The following DST variants were observed in gnomAD, a reference collection of about 807,000 sequenced individuals.
DST encodes bullous pemphigoid antigen.
DST carries 253 observed loss-of-function variants against 875.2 expected under a neutral mutation model. The ratio of observed to expected loss-of-function variants is 0.29; its 90% CI spans 0.26 to 0.32. DST has a LOEUF of 0.32. Ranked by LOEUF, DST falls within the 10% of genes least tolerant of loss-of-function variation. The pLI is 1.00. For missense variants in DST, 8,287 were observed against 9,111.6 expected (o/e 0.91, Z 3.68); for synonymous variants, 3,124 against 3,197.1 (o/e 0.98, Z 0.77).
intron 61 of DST, among the ~76,000 whole-genome samples, chr6:56,545,178 A>T (rs1015644182): frequency 4.6e-5 from 7 of 151,722 alleles, no homozygotes; most frequent in African/African-American, 1.2e-4. Context: ...AATTTTAAAA[A>T]TTTTTTGTGG....
At chr6:56,512,455 A>G (rs1383031681) in intron 72 of DST, among the ~76,000 whole-genome samples, 1 of 152,216 alleles carries the variant, frequency 6.6e-6, no homozygotes, top group Non-Finnish European at 1.5e-5. Context: ...GCCTCTGTGC[A>G]GCATTGAGGG....
chr6:56,609,545 A>G (rs961797594), intron 39 of DST, among the ~76,000 whole-genome samples: 2 of 152,234 alleles, frequency 1.3e-5, no homozygotes, highest in Non-Finnish European at 2.9e-5. Context: ...ACAGCACAGG[A>G]TGTGATAAAA....
At chr6:56,749,634 G>A (rs1244666702) in intron 4 of DST, among the ~76,000 whole-genome samples, 2 of 152,164 alleles carry the variant, frequency 1.3e-5, no homozygotes, top group African/African-American at 2.4e-5. Flanking sequence ...TGACCAGGGA[G>A]TTTAAGAGTA....
At chr6:56,521,646 C>T (rs1264813484) in intron 69 of DST, among the ~76,000 whole-genome samples, 1 of 147,714 alleles carries the variant, frequency 6.8e-6, no homozygotes, top group Non-Finnish European at 1.5e-5. Flanking sequence ...AGATATTTCC[C>T]GCCTGTCATC....
At position 56,607,172 on chromosome 6, in the gene DST, A is replaced by T; in HGVS notation, c.7456T>A (p.Phe2486Ile). ...GCAATTCCCAGAAACTGGTCTTGAAATTTTTCTCCTATTCTTTGACCTGAC... is the reference window on the plus strand; with the variant it reads ...GCAATTCCCAGAAACTGGTCTTGAATTTTTTCTCCTATTCTTTGACCTGAC... ...MLSGQRIGEK[F>I]QDQFLGIAAI... is the part of the protein sequence containing the mutation. Residue 2486 changes from phenylalanine to isoleucine, a missense_variant, in exon 40 of 104, where the codon TTT becomes ATT. Transcript: ENST00000680361. 1 of 1,613,310 alleles carries T rather than the reference A, an allele frequency of 6.2e-7. No homozygotes were observed. Among genetic ancestry groups the T allele is most frequent in the Non-Finnish European group, 8.5e-7 (1 of 1,179,586 alleles).
Position 56,463,556 on chromosome 6 carries a change from G to T in DST, c.22959+9C>A. On this transcript the variant is annotated intron_variant, in intron 101 of 103. Transcript: ENST00000680361. Reference sequence around the variant, plus strand: ...AAGGTGGAGGAAAAGTCTTCATCCTGAGTCTTACCTTGGGTGTGGTGGTGG... The same window carrying T: ...AAGGTGGAGGAAAAGTCTTCATCCTTAGTCTTACCTTGGGTGTGGTGGTGG... 6.4e-7 allele frequency: 1 copy of T among 1,557,904 alleles called. No homozygotes were observed. The highest frequency in any genetic ancestry group is 8.7e-7 in the Non-Finnish European group (1 of 1,153,870).
rs78600049 is a variant in DST at position 56,631,291 on chromosome 6, G to C, written c.4062C>G (p.Val1354=). Residue 1354 remains valine (V), a synonymous_variant, in exon 30 of 104, where the codon GTC becomes GTG. Coordinates refer to ENST00000680361, the MANE Select transcript of DST (RefSeq NM_001374736.1). The part of the protein sequence containing the change: ...FFSQAAASSS[V]PTLRSELNVV... The stretch of plus-strand genomic sequence containing the variant: ...CATTAAGCTCTGATCGTAGGGTAGG[G>C]ACTGATGAAGAGGCTGCTGCTTGAC... 6.2e-7 allele frequency: 1 copy of C among 1,613,890 alleles called. No individual in the cohort carries two copies. Among genetic ancestry groups the C allele is most frequent in the Non-Finnish European group, 8.5e-7 (1 of 1,179,898 alleles).
intron 102 of DST, 61 bp from the exon 103 acceptor site, chr6:56,460,315 G>A: frequency 6.3e-7 from 1 of 1,585,250 alleles, no homozygotes; most frequent in Non-Finnish European, 8.6e-7. Context: ...ATATTCCACT[G>A]ACACCACTTC....
Position 56,472,042 on chromosome 6 carries a change from G to T in DST, c.22158+17C>A, listed in dbSNP as rs776758128. 1.9e-6 allele frequency: 3 copies of T among 1,612,772 alleles called. No individual in the cohort carries two copies. Among genetic ancestry groups the T allele is most frequent in the South Asian group, 1.1e-5 (1 of 91,050 alleles). ...GGGCAAATGACAATGTGGTGTTGAG[G>T]GTATGAATTTCCAAACCTCCTCTAG... On this transcript the variant is annotated intron_variant, in intron 94 of 103. Coordinates refer to ENST00000680361, the MANE Select transcript of DST (RefSeq NM_001374736.1).
chr6:56,612,391 A>C (rs1162649387), intron 37 of DST, among the ~76,000 whole-genome samples: 1 of 152,172 alleles, frequency 6.6e-6, no homozygotes, highest in Non-Finnish European at 1.5e-5. Context: ...TAACTATTGA[A>C]AAAAAGAACA....
intron 59 of DST, 118 bp downstream of exon 59, chr6:56,557,201 C>G (rs1298753843): frequency 1.6e-5 from 14 of 892,686 alleles, no homozygotes; most frequent in Non-Finnish European, 1.9e-5. Flanking sequence ...TACATATATA[C>G]TTCAAAGCAG....
intron 49 of DST, among the ~76,000 whole-genome samples, chr6:56,590,503 T>C (rs2098251974): frequency 6.6e-6 from 1 of 152,186 alleles, no homozygotes; most frequent in Non-Finnish European, 1.5e-5. Context: ...ATGACCTTAA[T>C]GTCACAGTAT....
At chr6:56,603,126 A>T in intron 42 of DST, 79 bp downstream of exon 42, 1 of 1,544,342 alleles carries the variant, frequency 6.5e-7, no homozygotes, top group South Asian at 1.2e-5. Context: ...CTCTAAAACT[A>T]AAATACTCCA....
chr6:56,634,018 G>T, intron 27 of DST, 114 bp downstream of exon 27: 3 of 1,207,960 alleles, frequency 2.5e-6, no homozygotes, highest in Non-Finnish European at 3.6e-6. Context: ...ATGAATATTA[G>T]CATGGATTTG....
At chr6:56,726,163 T>C (rs983135079) in intron 5 of DST, among the ~76,000 whole-genome samples, 1 of 152,120 alleles carries the variant, frequency 6.6e-6, no homozygotes, top group Non-Finnish European at 1.5e-5. Flanking sequence ...TTATATTAGG[T>C]TCAAATGACT....
chr6:56,480,216 T>C (rs2095355231), intron 90 of DST, among the ~76,000 whole-genome samples: 3 of 152,226 alleles, frequency 2.0e-5, no homozygotes, highest in African/African-American at 7.2e-5. Flanking sequence ...ACTTTTTAAA[T>C]ATCATAACTT....
chr6:56,584,971 T>C (rs1295620872), intron 49 of DST, among the ~76,000 whole-genome samples: 52 of 150,168 alleles, frequency 3.5e-4, no homozygotes, highest in African/African-American at 1.1e-3. Context: ...ATAAGCTTTT[T>C]GATGTGCTGC....
intron 63 of DST, among the ~76,000 whole-genome samples, chr6:56,532,901 A>G (rs962184057): frequency 6.6e-6 from 1 of 152,256 alleles, no homozygotes; most frequent in African/African-American, 2.4e-5. Context: ...TCCTGTCAAG[A>G]TACAAAAGGT....
At chr6:56,572,634 TA>T in intron 52 of DST, 112 bp downstream of exon 52, 1 of 771,986 alleles carries the variant, frequency 1.3e-6, no homozygotes. Context: ...AGATCTTTAC[TA>T]ATCTATAAGC....
Sources: gnomAD v4.1 joint callset for allele counts (sites outside exome capture counted in the v4.1 genomes callset) on GRCh38, gnomAD v4.1.1 for gene constraint, MANE v1.5 for transcripts, NCBI Gene and HGNC (gene_info 2026-07-23, HGNC 2026-07-21) for gene names.